PSMF1: variants seen among roughly 807,000 people sequenced by gnomAD.
PSMF1 encodes proteasome inhibitor subunit 1, also known as proteasome inhibitor PI31 subunit.
A neutral mutation model predicts 29.3 loss-of-function variants in PSMF1; 30 were observed. The ratio of observed to expected loss-of-function variants is 1.02; its 90% CI spans 0.77 to 1.39. The LOEUF is 1.39. Among genes scored for constraint, PSMF1 ranks in the 40% most tolerant of loss-of-function variants. The pLI is 0.00. For synonymous variants in PSMF1, 134 were observed against 139.7 expected, an observed-to-expected ratio of 0.96 and a Z score of 0.29; for missense variants, 344 against 357.5, an observed-to-expected ratio of 0.96 and a Z score of 0.31.
chr20:1,127,381 G>A, intron 2 of PSMF1, 45 bp from the exon 3 acceptor site: 3 of 1,458,980 alleles, frequency 2.1e-6, no homozygotes. Flanking sequence ...CCCACTCTTA[G>A]CCAGAAATAT....
At position 1,141,885 on chromosome 20, in the gene PSMF1, A is replaced by G. The variant is rs1476369074; in HGVS notation, c.551+6579A>G. On this transcript the variant is annotated intron_variant, in intron 4 of 6. Transcript: ENST00000335877. ...TATATACTAGCAATAAACACGTGGA[A>G]CGAAATTTAAAATACAGTACTGTTT... Among the ~76,000 whole-genome samples, 5 of 152,324 alleles carry G rather than the reference A, an allele frequency of 3.3e-5. No homozygotes were observed. The East Asian group carries it at 9.6e-4, about 29-fold the overall frequency.
chr20:1,166,499 C>A lies in PSMF1; in HGVS notation c.*1419C>A. On this transcript the variant is annotated 3_prime_UTR_variant, in exon 7 of 7. Coordinates refer to ENST00000335877, the MANE Select transcript of PSMF1 (RefSeq NM_006814.5). ...TCTGTAGCCTCAGATTGCCTATCTG[C>A]TTAGCCTGAGAACAGGTAGATGAAA... 1.8e-6 allele frequency: 1 copy of A among 558,432 alleles called. No individual in the cohort carries two copies. Among genetic ancestry groups the A allele is most frequent in the Non-Finnish European group, 3.2e-6 (1 of 309,244 alleles). 34.6% of individuals were successfully genotyped at this position (558,432 alleles called of 1,614,324 possible). A position where few individuals can be genotyped will look rare whatever the true frequency, so the allele number is the denominator to read the frequency against.
chr20:1,130,680 G>GGA (rs1171941785), intron 3 of PSMF1, among the ~76,000 whole-genome samples: 4 of 152,116 alleles, frequency 2.6e-5, no homozygotes, highest in Non-Finnish European at 5.9e-5. Flanking sequence ...CAGGCAGGCT[G>GGA]GAGTACAGTG....
Position 1,125,655 on chromosome 20 carries a change from GTC to G in PSMF1, c.282+9_282+10del. 6.2e-7 allele frequency: 1 copy of G among 1,608,160 alleles called. No individual in the cohort carries two copies. Among genetic ancestry groups the G allele is most frequent in the Non-Finnish European group, 8.5e-7 (1 of 1,177,470 alleles). The stretch of plus-strand genomic sequence containing the variant: ...AGCATGATCCTCAATGTGCTGGTGA[GTC>G]TCTGGGACACGTGAGTCTGCTGATG... On this transcript the variant is annotated splice_donor_region_variant and intron_variant, in intron 2 of 6. Transcript: ENST00000335877.
At chr20:1,125,290 T>C (rs950175005) in intron 1 of PSMF1, among the ~76,000 whole-genome samples, 1 of 152,126 alleles carries the variant, frequency 6.6e-6, no homozygotes, top group Non-Finnish European at 1.5e-5. Context: ...GGTAGCTCAA[T>C]ATGAGGGAGA....
At position 1,163,194 on chromosome 20, in the gene PSMF1, C is replaced by CT; in HGVS notation, c.605+12dup. Reference sequence around the variant, plus strand: ...CTTAGACCCTTTTGGGTGAGTACTGCTGGGGAGGTGGCAGCAACACAACTT... The same window carrying CT: ...CTTAGACCCTTTTGGGTGAGTACTGCTTGGGGAGGTGGCAGCAACACAACTT... On this transcript the variant is annotated intron_variant, in intron 5 of 6. Coordinates refer to ENST00000335877, the MANE Select transcript of PSMF1 (RefSeq NM_006814.5). The surrounding 1 kb of genome is among the most constrained non-coding windows in gnomAD (Gnocchi z 6.1). The CT allele has an allele frequency of 2.5e-6, 4 of 1,613,914 alleles. No homozygotes were observed. Among genetic ancestry groups the CT allele is most frequent in the Non-Finnish European group, 3.4e-6 (4 of 1,179,856 alleles).
At position 1,164,985 on chromosome 20, in the gene PSMF1, GTC is replaced by G. The variant is rs777227111; in HGVS notation, c.765-39_765-38del. 2.0e-6 allele frequency: 3 copies of G among 1,528,538 alleles called. No individual in the cohort carries two copies. The highest frequency in any genetic ancestry group is 1.8e-6 in the Non-Finnish European group (2 of 1,102,400). 94.7% of individuals were successfully genotyped at this position (1,528,538 alleles called of 1,614,324 possible). ...GGTCATGTCTGCCCATGTTCCCCTG[GTC>G]TCTCCATCACTCCAACTCATCAGCC... is the stretch of plus-strand genomic sequence containing the variant. On this transcript the variant is annotated intron_variant, in intron 6 of 6. Transcript: ENST00000335877. This position sits in a 1 kb window ranked among gnomAD's most constrained non-coding sequence, Gnocchi z 4.1.
intron 3 of PSMF1, among the ~76,000 whole-genome samples, chr20:1,131,253 G>A (rs1048034529): frequency 2.0e-5 from 3 of 152,236 alleles, no homozygotes; most frequent in Non-Finnish European, 4.4e-5. Flanking sequence ...GCTCATTAGA[G>A]CATTCCGTCT....
At chr20:1,131,667 C>T (rs1045709792) in intron 3 of PSMF1, among the ~76,000 whole-genome samples, 1 of 152,190 alleles carries the variant, frequency 6.6e-6, no homozygotes, top group Non-Finnish European at 1.5e-5. Context: ...TTGCCTCTTC[C>T]AGCAATTTGT....
intron 1 of PSMF1, among the ~76,000 whole-genome samples, chr20:1,121,106 A>G (rs1381358440): frequency 5.3e-5 from 8 of 151,924 alleles, no homozygotes; most frequent in Middle Eastern, 3.2e-3. Flanking sequence ...ATGTACAGAA[A>G]GAATACAATC....
chr20:1,132,079 A>T (rs2086236772), intron 3 of PSMF1, among the ~76,000 whole-genome samples: 3 of 152,076 alleles, frequency 2.0e-5, no homozygotes, highest in African/African-American at 7.2e-5. Flanking sequence ...ACATCTGTGG[A>T]TCTATCTCTG....
chr20:1,123,343 A>T (rs1013778082), intron 1 of PSMF1, among the ~76,000 whole-genome samples: 1 of 151,908 alleles, frequency 6.6e-6, no homozygotes, highest in East Asian at 1.9e-4. Flanking sequence ...CATTTTCTTC[A>T]TCTCCGGTCC....
chr20:1,156,411 A>G (rs534688119), intron 4 of PSMF1, among the ~76,000 whole-genome samples: 41 of 152,330 alleles, frequency 2.7e-4, no homozygotes, highest in Admixed American at 5.9e-4. Flanking sequence ...AGATTCAAAA[A>G]GCTCAGCAGA....
intron 1 of PSMF1, among the ~76,000 whole-genome samples, chr20:1,122,284 CT>C (rs1357997620): frequency 3.0e-5 from 4 of 134,250 alleles, no homozygotes; most frequent in Non-Finnish European, 6.2e-5. Context: ...TTTTCTTTTT[CT>C]TTTTCTTTTC....
chr20:1,128,327 A>G (rs2086186076), intron 3 of PSMF1, among the ~76,000 whole-genome samples: 1 of 152,194 alleles, frequency 6.6e-6, no homozygotes. Flanking sequence ...TCTGTTTTTA[A>G]TATAACACTA....
intron 4 of PSMF1, among the ~76,000 whole-genome samples, chr20:1,149,449 T>A (rs925567734): frequency 6.6e-6 from 1 of 152,216 alleles, no homozygotes; most frequent in African/African-American, 2.4e-5. Flanking sequence ...CTGCTCAAAG[T>A]TGACACATCT....
chr20:1,129,472 A>G (rs751097029), intron 3 of PSMF1, among the ~76,000 whole-genome samples: 4 of 151,728 alleles, frequency 2.6e-5, no homozygotes, highest in African/African-American at 4.8e-5. Context: ...GCCACTCCTC[A>G]TTTCTCCTCC....
At chr20:1,121,141 T>TA (rs1568462516) in intron 1 of PSMF1, among the ~76,000 whole-genome samples, 17 of 140,638 alleles carry the variant, frequency 1.2e-4, no homozygotes, top group African/African-American at 3.4e-4. Flanking sequence ...TTTTTTTTTT[T>TA]TAAAAAGGTC....
At chr20:1,120,222 A>G (rs148019462) in intron 1 of PSMF1, among the ~76,000 whole-genome samples, 3 of 152,068 alleles carry the variant, frequency 2.0e-5, no homozygotes, top group African/African-American at 2.4e-5. Context: ...CCAGACCTCA[A>G]TTATCTCACT....
Sources: gnomAD v4.1 joint callset for allele counts (sites outside exome capture counted in the v4.1 genomes callset) on GRCh38, gnomAD v4.1.1 for gene constraint, Gnocchi (gnomAD v3.1) non-coding constraint, MANE v1.5 for transcripts, NCBI Gene and HGNC (gene_info 2026-07-23, HGNC 2026-07-21) for gene names.